The following SH3KBP1 variants were observed in gnomAD, a reference collection of about 807,000 sequenced individuals.
SH3KBP1 encodes the protein SH3 domain-containing kinase-binding protein 1.
Under a neutral mutation model 50.1 loss-of-function variants are expected in SH3KBP1, and 8 were observed. The observed-to-expected ratio is 0.16, with a 90% CI of 0.09 to 0.29. The LOEUF (loss-of-function observed/expected upper bound fraction) is 0.29, where lower values mean the gene tolerates loss of function less well. SH3KBP1 is among the 10% of genes least tolerant of loss of function. The pLI is 1.00. For missense variants in SH3KBP1, 377 were observed against 535.2 expected (o/e 0.70, Z 2.92); for synonymous variants, 227 against 218.6 (o/e 1.04, Z -0.34).
intron 1 of SH3KBP1, among the ~76,000 whole-genome samples, chrX:19,843,460 C>T (rs999335966): frequency 2.7e-5 from 3 of 111,484 alleles, no homozygotes; most frequent in Non-Finnish European, 5.7e-5. Context: ...GCCACAGATA[C>T]TGTGGGGATC....
At chrX:19,774,208 C>T (rs1312950632) in intron 2 of SH3KBP1, among the ~76,000 whole-genome samples, 1 of 111,144 alleles carries the variant, frequency 9.0e-6, no homozygotes, top group Non-Finnish European at 1.9e-5. Context: ...TGATTTTATC[C>T]TTTTCCTCCT....
chrX:19,773,464 C>G (rs2893589), intron 2 of SH3KBP1, among the ~76,000 whole-genome samples: 1 of 102,553 alleles, frequency 9.8e-6, no homozygotes, highest in African/African-American at 3.8e-5. Context: ...GCAATTCAGT[C>G]TCTGTCTCTC....
At chrX:19,758,155 G>A (rs1476113692) in intron 2 of SH3KBP1, among the ~76,000 whole-genome samples, 2 of 108,815 alleles carry the variant, frequency 1.8e-5, no homozygotes, top group Non-Finnish European at 3.8e-5. Flanking sequence ...GTGAAACTCC[G>A]CCTCTACTAA....
At chrX:19,655,375 G>A in intron 6 of SH3KBP1, among the ~76,000 whole-genome samples, 1 of 111,658 alleles carries the variant, frequency 9.0e-6, no homozygotes, top group South Asian at 3.7e-4. Flanking sequence ...AAATTTGGCA[G>A]CAGAAGCACT....
chrX:19,567,431 A>C (rs2065874151), intron 13 of SH3KBP1, among the ~76,000 whole-genome samples: 1 of 90,481 alleles, frequency 1.1e-5, no homozygotes, highest in South Asian at 7.2e-4. Context: ...GGGTGGGAGG[A>C]TCGCTTGAAC....
chrX:19,607,585 C>T (rs1224963966), intron 9 of SH3KBP1, among the ~76,000 whole-genome samples: 1 of 112,192 alleles, frequency 8.9e-6, no homozygotes, highest in Admixed American at 9.4e-5. Context: ...GCTACTTTCC[C>T]ACCCCCAAGG....
chrX:19,642,862 G>A (rs1350400012), intron 7 of SH3KBP1, among the ~76,000 whole-genome samples: 1 of 110,901 alleles, frequency 9.0e-6, no homozygotes, highest in Non-Finnish European at 1.9e-5. Flanking sequence ...GATCAGCTGA[G>A]TTTCACTTTC....
rs1286929663 is a variant in SH3KBP1 at position 19,737,258 on chromosome X, C to T, written c.286+9060G>A. Among the ~76,000 whole-genome samples, 6 of 111,106 alleles carry T rather than the reference C, an allele frequency of 5.4e-5. No individual in the cohort carries two copies. In the Admixed American group the frequency reaches 5.7e-4, roughly 11 times the overall value. ...GCAGTTCCCTACCCAGAAAAACTTCCCTTTGGAAAGGAGGCTCCCACGTGG... is the reference window on the plus strand; with the variant it reads ...GCAGTTCCCTACCCAGAAAAACTTCTCTTTGGAAAGGAGGCTCCCACGTGG... On this transcript the variant is annotated intron_variant, in intron 3 of 17. Transcript: ENST00000397821.
chrX:19,740,805 C>T (rs762250981), intron 3 of SH3KBP1: 30 of 321,960 alleles, frequency 9.3e-5, no homozygotes, highest in South Asian at 8.2e-4. Flanking sequence ...AAAGAGCTCA[C>T]GGCCTATCAA....
intron 2 of SH3KBP1, among the ~76,000 whole-genome samples, chrX:19,805,167 G>A (rs998392027): frequency 2.7e-5 from 3 of 110,037 alleles, no homozygotes; most frequent in African/African-American, 9.9e-5. Flanking sequence ...AATGTAAAGG[G>A]AGTCAAAAAT....
intron 12 of SH3KBP1, among the ~76,000 whole-genome samples, chrX:19,579,109 G>A (rs186011994): frequency 8.9e-6 from 1 of 112,107 alleles, no homozygotes; most frequent in Non-Finnish European, 1.9e-5. Context: ...TGCATCGTGC[G>A]TCCTTGTCTG....
At chrX:19,714,509 TA>T (rs35440552) in intron 3 of SH3KBP1, among the ~76,000 whole-genome samples, 1 of 108,786 alleles carries the variant, frequency 9.2e-6, no homozygotes, top group African/African-American at 3.4e-5. Flanking sequence ...AAAATTTATT[TA>T]AAAAAAAGAA....
At chrX:19,799,581 C>T in intron 2 of SH3KBP1, 1 of 1,152,061 alleles carries the variant, frequency 8.7e-7, no homozygotes, top group Non-Finnish European at 1.2e-6. Context: ...GGGCAACAGG[C>T]TACAAAAGAT....
At chrX:19,632,797 G>A (rs1025028146) in intron 7 of SH3KBP1, among the ~76,000 whole-genome samples, 1 of 112,653 alleles carries the variant, frequency 8.9e-6, no homozygotes, top group Non-Finnish European at 1.9e-5. Flanking sequence ...CGGAAATGGA[G>A]ACTTGGAAAA....
chrX:19,845,852 C>G (rs2068355580), intron 1 of SH3KBP1, among the ~76,000 whole-genome samples: 2 of 110,357 alleles, frequency 1.8e-5, no homozygotes, highest in Non-Finnish European at 3.8e-5. Context: ...TCAAGTAATC[C>G]ACCCACTTCA....
At chrX:19,644,778 T>C (rs1602791038) in intron 7 of SH3KBP1, among the ~76,000 whole-genome samples, 2 of 111,544 alleles carry the variant, frequency 1.8e-5, no homozygotes, top group East Asian at 5.5e-4. Flanking sequence ...TGTTTTTCCT[T>C]TTTTTTTAAA....
intron 2 of SH3KBP1, among the ~76,000 whole-genome samples, chrX:19,758,295 TC>T (rs374856839): frequency 4.7e-5 from 4 of 85,178 alleles, no homozygotes; most frequent in African/African-American, 1.3e-4. Context: ...ACCACTGAAC[TC>T]CGGCCTGGGC....
intron 8 of SH3KBP1, among the ~76,000 whole-genome samples, chrX:19,611,324 G>A (rs1401915342): frequency 9.0e-6 from 1 of 111,609 alleles, no homozygotes; most frequent in Non-Finnish European, 1.9e-5. Context: ...GAATAACTTT[G>A]GTTTTTTTTG....
chrX:19,708,320 G>A (rs1027660776), intron 3 of SH3KBP1, among the ~76,000 whole-genome samples: 1 of 112,425 alleles, frequency 8.9e-6, no homozygotes, highest in African/African-American at 3.2e-5. Context: ...GTTCAGAATC[G>A]ATATCTTGTC....
Sources: gnomAD v4.1 joint callset for allele counts (sites outside exome capture counted in the v4.1 genomes callset) on GRCh38, gnomAD v4.1.1 for gene constraint, MANE v1.5 for transcripts, NCBI Gene and HGNC (gene_info 2026-07-23, HGNC 2026-07-21) for gene names.